ACSBG1: variants seen among roughly 807,000 people sequenced by gnomAD.
ACSBG1 encodes the protein long-chain-fatty-acid--CoA ligase ACSBG1.
A neutral mutation model predicts 80.2 loss-of-function variants in ACSBG1; 39 were observed. The ratio of observed to expected loss-of-function variants is 0.49; its 90% CI spans 0.38 to 0.64. The LOEUF is 0.64. Ranked by LOEUF, ACSBG1 falls within the 30% of genes least tolerant of loss-of-function variation. ACSBG1 has a pLI of 0.00. For missense variants in ACSBG1, 828 were observed against 966.4 expected (o/e 0.86, Z 1.90); for synonymous variants, 392 against 379.5 (o/e 1.03, Z -0.38).
chr15:78,179,825 AC>A, intron 9 of ACSBG1, 45 bp from the exon 10 acceptor site: 5 of 1,284,670 alleles, frequency 3.9e-6, no homozygotes, highest in Non-Finnish European at 5.6e-6. Context: ...TCACACACAC[AC>A]ACACACACAC....
intron 1 of ACSBG1, among the ~76,000 whole-genome samples, chr15:78,221,503 G>C: frequency 6.6e-6 from 1 of 152,162 alleles, no homozygotes; most frequent in East Asian, 1.9e-4. Context: ...TCTCAGAACA[G>C]AACGAATAGT....
intron 5 of ACSBG1, among the ~76,000 whole-genome samples, chr15:78,185,253 G>A (rs192355715): frequency 5.1e-4 from 78 of 152,308 alleles, no homozygotes; most frequent in African/African-American, 1.8e-3. Flanking sequence ...ATCTGCTCAT[G>A]CATAGGGTGA....
At chr15:78,202,529 G>A (rs2075178551) in intron 2 of ACSBG1, among the ~76,000 whole-genome samples, 1 of 152,088 alleles carries the variant, frequency 6.6e-6, no homozygotes, top group Non-Finnish European at 1.5e-5. Context: ...CTCTTTCTAA[G>A]CTTCTTTTCT....
At chr15:78,224,602 T>C (rs895512134) in intron 1 of ACSBG1, among the ~76,000 whole-genome samples, 1 of 152,030 alleles carries the variant, frequency 6.6e-6, no homozygotes. Flanking sequence ...ATACCTGTAG[T>C]CTCAGCTACT....
chr15:78,201,616 T>A (rs2075168668), intron 2 of ACSBG1, among the ~76,000 whole-genome samples: 1 of 152,190 alleles, frequency 6.6e-6, no homozygotes, highest in Non-Finnish European at 1.5e-5. Flanking sequence ...CAGATGCATC[T>A]TCTAGCCTGG....
intron 2 of ACSBG1, among the ~76,000 whole-genome samples, chr15:78,203,980 A>G (rs1004648678): frequency 2.0e-5 from 3 of 152,190 alleles, no homozygotes; most frequent in African/African-American, 7.2e-5. Context: ...AGGGATACAG[A>G]AGAGGAAGAG....
Position 78,178,583 on chromosome 15 carries a change from T to G in ACSBG1, c.1702+31A>C. The G allele has an allele frequency of 8.9e-4, 1,390 of 1,568,846 alleles. No homozygotes were observed. The highest frequency in any genetic ancestry group is 1.1e-3 in the Non-Finnish European group (1,264 of 1,155,100). ...TCCCAAAGTGCTGGGATTACAGGCA[T>G]GAGCCACCGTGCCTGGCCTGGGGTG... On this transcript the variant is annotated intron_variant, in intron 11 of 13. Transcript: ENST00000258873. The surrounding 1 kb of genome is among the most constrained non-coding windows in gnomAD (Gnocchi z 4.3).
chr15:78,193,910 C>T (rs201061781), intron 4 of ACSBG1, 22 bp downstream of exon 4: 81 of 1,612,622 alleles, frequency 5.0e-5, no homozygotes, highest in African/African-American at 2.3e-4. Flanking sequence ...CTGGAGACCC[C>T]GTCCCTGCCC....
chr15:78,215,780 AAG>A (rs1451607389), intron 1 of ACSBG1, among the ~76,000 whole-genome samples: 2 of 147,830 alleles, frequency 1.4e-5, no homozygotes, highest in East Asian at 2.0e-4. Context: ...GAAAGAAAGA[AAG>A]AAAGAGAAAG....
intron 1 of ACSBG1, among the ~76,000 whole-genome samples, chr15:78,230,329 G>A (rs1170962077): frequency 6.6e-6 from 1 of 152,242 alleles, no homozygotes; most frequent in Non-Finnish European, 1.5e-5. Flanking sequence ...TGTGTGGCAG[G>A]GAAGGGAACT....
At position 78,178,116 on chromosome 15, in the gene ACSBG1, T is replaced by C. The variant is rs1051784305; in HGVS notation, c.1702+498A>G. On this transcript the variant is annotated intron_variant, in intron 11 of 13. Coordinates refer to ENST00000258873, the MANE Select transcript of ACSBG1 (RefSeq NM_015162.5). This position sits in a 1 kb window ranked among gnomAD's most constrained non-coding sequence, Gnocchi z 4.3. ...ACTTAACCTCTCTGGATGTCCTCAT[T>C]AGCAAGTTAAGGTTAATAAGTACCT... Among the ~76,000 whole-genome samples the C allele has an allele frequency of 1.3e-5, 2 of 152,134 alleles. No homozygotes were observed. Among genetic ancestry groups the C allele is most frequent in the Non-Finnish European group, 2.9e-5 (2 of 68,024 alleles).
intron 1 of ACSBG1, chr15:78,226,652 C>T (rs1199108307): frequency 1.1e-5 from 2 of 175,644 alleles, no homozygotes; most frequent in African/African-American, 2.4e-5. Context: ...ATGAAGACAG[C>T]ATGATATTAT....
chr15:78,200,305 C>A (rs375517304), intron 2 of ACSBG1, among the ~76,000 whole-genome samples: 1 of 152,028 alleles, frequency 6.6e-6, no homozygotes, highest in African/African-American at 2.4e-5. Context: ...CTCTGGAGGA[C>A]CCCTTGTCAC....
intron 1 of ACSBG1, among the ~76,000 whole-genome samples, chr15:78,225,436 A>T (rs12901326): frequency 1.7e-4 from 21 of 126,566 alleles, no homozygotes; most frequent in African/African-American, 5.2e-4. Flanking sequence ...AATAAATAAA[A>T]ATAAATTAAA....
intron 4 of ACSBG1, 108 bp downstream of exon 4, chr15:78,193,824 A>T: frequency 1.4e-6 from 2 of 1,461,306 alleles, no homozygotes; most frequent in South Asian, 2.5e-5. Context: ...GGGAGGAGGC[A>T]GGATGGTGGG....
At chr15:78,184,616 A>T (rs758493181) in intron 5 of ACSBG1, among the ~76,000 whole-genome samples, 5 of 152,248 alleles carry the variant, frequency 3.3e-5, no homozygotes, top group Non-Finnish European at 5.9e-5. Context: ...AAGTAAGCTA[A>T]AACCTCACAA....
chr15:78,197,235 C>G (rs1463799889), intron 2 of ACSBG1, among the ~76,000 whole-genome samples: 1 of 151,892 alleles, frequency 6.6e-6, no homozygotes, highest in Non-Finnish European at 1.5e-5. Context: ...TTGCCCCGGG[C>G]TGGAGGTGGG....
intron 1 of ACSBG1, among the ~76,000 whole-genome samples, chr15:78,217,677 C>T (rs899121789): frequency 7.2e-5 from 11 of 151,958 alleles, no homozygotes; most frequent in African/African-American, 2.7e-4. Context: ...AGCGATTCTC[C>T]TGCCTCAGCT....
intron 1 of ACSBG1, among the ~76,000 whole-genome samples, chr15:78,215,743 AAAG>A (rs1410705272): frequency 3.0e-5 from 3 of 101,398 alleles, no homozygotes; most frequent in African/African-American, 8.0e-5. Context: ...AGAAAGAAAG[AAAG>A]AAAGAAAGAA....
Sources: allele counts gnomAD v4.1 joint callset (sites outside exome capture counted in the v4.1 genomes callset), GRCh38; gene constraint gnomAD v4.1.1; non-coding constraint Gnocchi (gnomAD v3.1); transcripts MANE v1.5; gene names NCBI Gene and HGNC (gene_info 2026-07-23, HGNC 2026-07-21).